SMCHD1: variants seen among roughly 807,000 people sequenced by gnomAD.
SMCHD1 encodes structural maintenance of chromosomes flexible hinge domain-containing protein 1.
In SMCHD1, 78 loss-of-function variants were observed where a neutral mutation model predicts 254.7. The ratio of observed to expected loss-of-function variants is 0.31; its 90% CI spans 0.26 to 0.37. The LOEUF (loss-of-function observed/expected upper bound fraction) is 0.37. Ranked by LOEUF, SMCHD1 falls within the 10% of genes least tolerant of loss-of-function variation. SMCHD1 has a pLI of 1.00. For missense variants in SMCHD1, 1,840 were observed against 2,408.1 expected (o/e 0.76, Z 4.94); for synonymous variants, 766 against 794.9 (o/e 0.96, Z 0.61).
At chr18:2,770,595 C>G (rs915703811) in intron 39 of SMCHD1, among the ~76,000 whole-genome samples, 13 of 151,996 alleles carry the variant, frequency 8.6e-5, no homozygotes, top group Non-Finnish European at 1.3e-4. Context: ...AGAAAGTTTG[C>G]TGCAGTTTTG....
chr18:2,681,340 G>C (rs2073919437), intron 5 of SMCHD1, among the ~76,000 whole-genome samples: 2 of 150,676 alleles, frequency 1.3e-5, no homozygotes, highest in South Asian at 4.2e-4. Flanking sequence ...TTGAACCTGG[G>C]AGGTGGAGGA....
At chr18:2,697,157 TATGAG>T (rs1359972553) in intron 9 of SMCHD1, 35 bp downstream of exon 9, 1 of 1,080,740 alleles carries the variant, frequency 9.3e-7, no homozygotes, top group Non-Finnish European at 1.3e-6. Flanking sequence ...TAATAAAAAT[TATGAG>T]ATATTTGTTC....
chr18:2,796,584 T>C, intron 47 of SMCHD1, 63 bp downstream of exon 47: 1 of 1,101,750 alleles, frequency 9.1e-7, no homozygotes, highest in Non-Finnish European at 1.3e-6. Context: ...GGTCTCATGA[T>C]AGCTTTGTTT....
At chr18:2,697,775 G>A in intron 9 of SMCHD1, 56 bp from the exon 10 acceptor site, 1 of 1,184,770 alleles carries the variant, frequency 8.4e-7, no homozygotes, top group South Asian at 1.3e-5. Context: ...TCATAGCTGA[G>A]AACAAAAGTA....
chr18:2,767,584 C>CTTT (rs397858216), intron 37 of SMCHD1, among the ~76,000 whole-genome samples: 2,831 of 89,170 alleles, frequency 0.032, 83 homozygotes, highest in Non-Finnish European at 0.038. Context: ...AACCTATTTC[C>CTTT]TTTTTTTTTT....
At chr18:2,719,611 G>A (rs2074880189) in intron 19 of SMCHD1, among the ~76,000 whole-genome samples, 2 of 151,326 alleles carry the variant, frequency 1.3e-5, no homozygotes, top group Admixed American at 1.3e-4. Flanking sequence ...TTCTTTTTTG[G>A]AGATAGTGTC....
intron 44 of SMCHD1, among the ~76,000 whole-genome samples, chr18:2,782,661 T>C (rs300288): frequency 0.97 from 144,269 of 149,408 alleles, 69,713 homozygotes; most frequent in East Asian, 1. Flanking sequence ...GGGATAATTG[T>C]TTGAGCCCAG....
intron 29 of SMCHD1, among the ~76,000 whole-genome samples, chr18:2,745,847 A>G (rs2075444543): frequency 2.0e-5 from 3 of 152,244 alleles, no homozygotes; most frequent in African/African-American, 7.2e-5. Context: ...ATATGGTTAT[A>G]TATAGATGAG....
chr18:2,750,591 G>GTAAT, intron 32 of SMCHD1, 84 bp downstream of exon 32: 4 of 1,181,750 alleles, frequency 3.4e-6, no homozygotes, highest in Non-Finnish European at 4.7e-6. Context: ...CCTAGGTTAA[G>GTAAT]TGTGCTCAGT....
chr18:2,726,389 G>T, intron 21 of SMCHD1, 63 bp from the exon 22 acceptor site: 1 of 838,348 alleles, frequency 1.2e-6, no homozygotes, highest in Admixed American at 3.1e-5. Flanking sequence ...CAGAATTGAT[G>T]TGATAAACTA....
In SMCHD1 at chr18:2,772,866, A is replaced by C. The variant is rs549647498; in HGVS notation, c.5175+494A>C. Among the ~76,000 whole-genome samples, 111 of 152,396 alleles carry C rather than the reference A, an allele frequency of 7.3e-4. 1 individual carries two copies. Among genetic ancestry groups the C allele is most frequent in the Admixed American group, 9.1e-4 (14 of 15,306 alleles). ...TGGCAGAGCCAGGGGTGAAACCCCA[A>C]GTAGTCTGACTCTGGAGTCTTTGGT... On this transcript the variant is annotated intron_variant, in intron 41 of 47. Transcript: ENST00000320876.
At chr18:2,742,293 C>T (rs889487019) in intron 28 of SMCHD1, among the ~76,000 whole-genome samples, 4 of 152,136 alleles carry the variant, frequency 2.6e-5, no homozygotes, top group African/African-American at 7.2e-5. Flanking sequence ...TATCTTGGCT[C>T]ATTTTCGGAA....
At chr18:2,689,511 G>A (rs1250965865) in intron 7 of SMCHD1, among the ~76,000 whole-genome samples, 2 of 151,696 alleles carry the variant, frequency 1.3e-5, no homozygotes, top group African/African-American at 2.4e-5. Flanking sequence ...GTGAGCCACC[G>A]CGCCCAGCCT....
At chr18:2,780,258 AAAAAAAAAG>A (rs1302211205) in intron 44 of SMCHD1, among the ~76,000 whole-genome samples, 1 of 150,974 alleles carries the variant, frequency 6.6e-6, no homozygotes, top group Non-Finnish European at 1.5e-5. Flanking sequence ...AAAAAAAAAA[AAAAAAAAAG>A]GCAATAATAA....
At chr18:2,795,293 G>A (rs1004299173) in intron 45 of SMCHD1, among the ~76,000 whole-genome samples, 6 of 140,880 alleles carry the variant, frequency 4.3e-5, no homozygotes, top group African/African-American at 1.3e-4. Context: ...TCCTGACCTC[G>A]TGATCCACCC....
At chr18:2,708,669 A>G (rs1253640619) in intron 17 of SMCHD1, among the ~76,000 whole-genome samples, 3 of 149,486 alleles carry the variant, frequency 2.0e-5, no homozygotes, top group Non-Finnish European at 3.0e-5. Flanking sequence ...GCTGGAATAC[A>G]TAATGGCACA....
chr18:2,735,627 A>G (rs912844882), intron 25 of SMCHD1, among the ~76,000 whole-genome samples: 3 of 152,192 alleles, frequency 2.0e-5, no homozygotes, highest in Non-Finnish European at 2.9e-5. Context: ...TTTCTGTACT[A>G]CGTTTTAAGC....
chr18:2,795,569 A>G (rs1833607231), intron 45 of SMCHD1, among the ~76,000 whole-genome samples: 1 of 152,208 alleles, frequency 6.6e-6, no homozygotes, highest in African/African-American at 2.4e-5. Context: ...ATTTCTAACA[A>G]CACAATATTT....
chr18:2,660,906 T>C (rs1425035396), intron 1 of SMCHD1, among the ~76,000 whole-genome samples: 1 of 152,130 alleles, frequency 6.6e-6, no homozygotes, highest in Non-Finnish European at 1.5e-5. Flanking sequence ...CTATTTACAA[T>C]AGTAAAGACG....
Sources: allele counts gnomAD v4.1 joint callset (sites outside exome capture counted in the v4.1 genomes callset), GRCh38; gene constraint gnomAD v4.1.1; transcripts MANE v1.5; gene names NCBI Gene and HGNC (gene_info 2026-07-23, HGNC 2026-07-21).